The following DCDC2 variants were observed in gnomAD, a reference collection of about 807,000 sequenced individuals.
The protein encoded by DCDC2 is doublecortin domain-containing protein 2.
A neutral mutation model predicts 50.2 loss-of-function variants in DCDC2; 40 were observed. The ratio of observed to expected loss-of-function variants is 0.80; its 90% CI spans 0.62 to 1.04. The LOEUF is 1.04. Ranked by LOEUF, DCDC2 falls within the 50% of genes least tolerant of loss-of-function variation. DCDC2 has a pLI of 0.00. For missense variants in DCDC2, 570 were observed against 581.9 expected, an observed-to-expected ratio of 0.98 and a Z score of 0.21; for synonymous variants, 234 against 210.6, an observed-to-expected ratio of 1.11 and a Z score of -0.96.
intron 2 of DCDC2, among the ~76,000 whole-genome samples, chr6:24,322,978 C>A (rs1006480032): frequency 6.6e-6 from 1 of 152,174 alleles, no homozygotes; most frequent in African/African-American, 2.4e-5. Flanking sequence ...TTGTTGACAT[C>A]TCCAAAAATG....
intron 7 of DCDC2, among the ~76,000 whole-genome samples, chr6:24,215,855 T>C (rs1301790362): frequency 3.3e-5 from 5 of 152,128 alleles, no homozygotes; most frequent in African/African-American, 7.2e-5. Context: ...ATTAACAGAA[T>C]GCAACAAGAG....
chr6:24,240,597 T>C (rs1762544408), intron 7 of DCDC2, among the ~76,000 whole-genome samples: 1 of 152,228 alleles, frequency 6.6e-6, no homozygotes, highest in African/African-American at 2.4e-5. Flanking sequence ...TTAGAATACA[T>C]GATTTACAGA....
At chr6:24,207,522 T>C (rs965116059) in intron 7 of DCDC2, among the ~76,000 whole-genome samples, 4 of 152,134 alleles carry the variant, frequency 2.6e-5, no homozygotes, top group Non-Finnish European at 1.5e-5. Context: ...ATCTGATTGA[T>C]GGGTAAATAT....
intron 2 of DCDC2, among the ~76,000 whole-genome samples, chr6:24,327,483 T>TATTTATTGATTG (rs1554119342): frequency 0.013 from 1,822 of 144,096 alleles, 45 homozygotes; most frequent in African/African-American, 0.036. Context: ...TTTATTTATT[T>TATTTATTGATTG]ATTGGCTGAT....
Position 24,357,758 on chromosome 6 carries a change from G to A in DCDC2, c.-8C>T, listed in dbSNP as rs1246689081. 12 of 1,612,026 alleles carry A rather than the reference G, an allele frequency of 7.4e-6. No homozygotes were observed. The highest frequency in any genetic ancestry group is 1.0e-5 in the Non-Finnish European group (12 of 1,179,324). ...GGCGCTGCTGCCGCTCATCTTCCCC[G>A]CTGGCCGCCGCCTCAGCTCGCTGCT... is the stretch of plus-strand genomic sequence containing the variant. On this transcript the variant is annotated 5_prime_UTR_variant, in exon 1 of 10. Transcript: ENST00000378454.
At chr6:24,315,831 C>T (rs1054484556) in intron 2 of DCDC2, among the ~76,000 whole-genome samples, 4 of 152,044 alleles carry the variant, frequency 2.6e-5, no homozygotes, top group East Asian at 1.9e-4. Context: ...CCAGCTGCCA[C>T]ATGGAGAAGA....
chr6:24,190,345 T>C (rs1447109035), intron 8 of DCDC2, among the ~76,000 whole-genome samples: 1 of 152,018 alleles, frequency 6.6e-6, no homozygotes, highest in Non-Finnish European at 1.5e-5. Context: ...CACCTATGAG[T>C]GAGAACATGC....
At chr6:24,284,319 T>C (rs933217232) in intron 6 of DCDC2, among the ~76,000 whole-genome samples, 1 of 151,994 alleles carries the variant, frequency 6.6e-6, no homozygotes, top group East Asian at 1.9e-4. Context: ...CTTAAAAATG[T>C]AAAGCAGGCC....
intron 7 of DCDC2, among the ~76,000 whole-genome samples, chr6:24,211,875 G>A (rs1761878775): frequency 2.6e-5 from 4 of 152,180 alleles, no homozygotes; most frequent in African/African-American, 9.7e-5. Context: ...GCGGTGATTT[G>A]TCACAACAGC....
At chr6:24,215,461 A>T (rs1001313888) in intron 7 of DCDC2, among the ~76,000 whole-genome samples, 7 of 152,108 alleles carry the variant, frequency 4.6e-5, no homozygotes, top group African/African-American at 1.7e-4. Context: ...GCCTGGACAG[A>T]AGCAGGTGAA....
rs534594129 is a variant in DCDC2, at chr6:24,322,331, G to A, written c.349-20287C>T. ...TGGGTTTTATTTGACCTTGCATATC[G>A]TGACTTACTTTCCAATCTGATTCTG... On this transcript the variant is annotated intron_variant, in intron 2 of 9. Transcript: ENST00000378454. 3.1e-4 allele frequency among the ~76,000 whole-genome samples: 47 copies of A among 152,102 alleles called. No homozygotes were observed. In the South Asian group the frequency reaches 6.6e-3, roughly 21 times the overall value.
At chr6:24,325,283 C>G (rs1050455399) in intron 2 of DCDC2, among the ~76,000 whole-genome samples, 1 of 149,580 alleles carries the variant, frequency 6.7e-6, no homozygotes, top group South Asian at 2.3e-4. Context: ...TATGTTACAG[C>G]AAATAAGCAA....
intron 2 of DCDC2, among the ~76,000 whole-genome samples, chr6:24,333,177 T>C (rs1561778335): frequency 6.6e-6 from 1 of 152,190 alleles, no homozygotes; most frequent in Non-Finnish European, 1.5e-5. Context: ...AGGTATGCTG[T>C]GGACAGAAGA....
the DCDC2 span, among the ~76,000 whole-genome samples, chr6:24,381,970 A>C: frequency 8.6e-6 from 1 of 116,804 alleles, no homozygotes; most frequent in Non-Finnish European, 1.8e-5. Context: ...GAAGGAAGGA[A>C]GGAAGGAAGG....
Position 24,177,330 on chromosome 6 carries a change from G to A in DCDC2, c.1326+1000C>T, listed in dbSNP as rs1370875123. Reference sequence around the variant, plus strand: ...CATATAGTGGATTGCAGATAACTTCGTACTGTTACTGAAACCTGGCCACCA... The same window carrying A: ...CATATAGTGGATTGCAGATAACTTCATACTGTTACTGAAACCTGGCCACCA... On this transcript the variant is annotated intron_variant, in intron 9 of 9. Coordinates refer to ENST00000378454, the MANE Select transcript of DCDC2 (RefSeq NM_016356.5). Among the ~76,000 whole-genome samples the A allele has an allele frequency of 6.6e-5, 10 of 152,272 alleles. No homozygotes were observed. The South Asian group carries it at 1.9e-3, about 28-fold the overall frequency.
intron 2 of DCDC2, among the ~76,000 whole-genome samples, chr6:24,348,299 G>C (rs554972388): frequency 3.3e-5 from 5 of 152,208 alleles, no homozygotes; most frequent in South Asian, 2.1e-4. Flanking sequence ...AAAGAATCAG[G>C]GATTAACCAG....
At chr6:24,195,901 C>T (rs1047823591) in intron 8 of DCDC2, among the ~76,000 whole-genome samples, 12 of 152,172 alleles carry the variant, frequency 7.9e-5, no homozygotes, top group African/African-American at 1.2e-4. Flanking sequence ...TGGAGAATTG[C>T]CTCCCAATGA....
chr6:24,366,893 GT>G, the DCDC2 span, among the ~76,000 whole-genome samples: 1 of 151,542 alleles, frequency 6.6e-6, no homozygotes, highest in Non-Finnish European at 1.5e-5. Flanking sequence ...TGTCACCCAG[GT>G]TGTGGCATGA....
intron 8 of DCDC2, among the ~76,000 whole-genome samples, chr6:24,194,662 A>G (rs1761392738): frequency 6.6e-6 from 1 of 152,202 alleles, no homozygotes; most frequent in Non-Finnish European, 1.5e-5. Context: ...CTTAGCTTGG[A>G]AAAGCACCAT....
Sources: allele counts gnomAD v4.1 joint callset (sites outside exome capture counted in the v4.1 genomes callset), GRCh38; gene constraint gnomAD v4.1.1; transcripts MANE v1.5; gene names NCBI Gene and HGNC (gene_info 2026-07-23, HGNC 2026-07-21).